APAF1: variants seen among roughly 807,000 people sequenced by gnomAD.
The protein encoded by APAF1 is apoptotic protease-activating factor 1.
A neutral mutation model predicts 152.4 loss-of-function variants in APAF1; 91 were observed. That is an observed-to-expected ratio of 0.60 (90% CI 0.50 to 0.71). APAF1 has a LOEUF of 0.71. Ranked by LOEUF, APAF1 falls within the 30% of genes least tolerant of loss-of-function variation. The pLI, the probability that APAF1 is intolerant of heterozygous loss-of-function variation, is 0.00. For missense variants in APAF1, 1,283 were observed against 1,472.0 expected (o/e 0.87, Z 2.10); for synonymous variants, 484 against 494.1 (o/e 0.98, Z 0.27).
intron 16 of APAF1, among the ~76,000 whole-genome samples, chr12:98,698,962 C>T (rs1402483899): frequency 6.6e-6 from 1 of 152,188 alleles, no homozygotes; most frequent in Admixed American, 6.5e-5. Context: ...TCTCTGGATG[C>T]TCTGCTAGGT....
chr12:98,718,399 A>T (rs2097737515), intron 22 of APAF1, among the ~76,000 whole-genome samples: 1 of 151,808 alleles, frequency 6.6e-6, no homozygotes, highest in African/African-American at 2.4e-5. Context: ...CATGCAGCTA[A>T]TTTTTTTGTA....
intron 23 of APAF1, 29 bp from the exon 24 acceptor site, chr12:98,723,610 C>T (rs1255469520): frequency 1.3e-6 from 2 of 1,523,386 alleles, no homozygotes; most frequent in Non-Finnish European, 1.8e-6. Context: ...AAAGTGTCAA[C>T]CTCCAAGTGT....
At chr12:98,660,751 T>C (rs1474274514) in intron 5 of APAF1, among the ~76,000 whole-genome samples, 1 of 152,200 alleles carries the variant, frequency 6.6e-6, no homozygotes, top group Admixed American at 6.5e-5. Context: ...AATGTTATAG[T>C]ATACTGAGTG....
intron 15 of APAF1, among the ~76,000 whole-genome samples, chr12:98,685,124 C>T (rs2097696627): frequency 6.6e-6 from 1 of 152,062 alleles, no homozygotes; most frequent in African/African-American, 2.4e-5. Context: ...ATAATTTTTG[C>T]CAAAACTAAC....
intron 16 of APAF1, among the ~76,000 whole-genome samples, chr12:98,695,957 T>G (rs149789132): frequency 6.6e-6 from 1 of 152,162 alleles, no homozygotes; most frequent in Non-Finnish European, 1.5e-5. Flanking sequence ...TTTCTAGGAG[T>G]CTGCCTATTA....
intron 14 of APAF1, among the ~76,000 whole-genome samples, chr12:98,682,052 G>GTTTTTTT (rs923577593): frequency 8.1e-5 from 10 of 123,864 alleles, no homozygotes; most frequent in East Asian, 2.3e-4. Context: ...TAATTTTTTT[G>GTTTTTTT]TTTTTTTTTT....
chr12:98,667,734 C>G, intron 10 of APAF1, 90 bp downstream of exon 10: 1 of 820,274 alleles, frequency 1.2e-6, no homozygotes. Flanking sequence ...TATTTTTTGT[C>G]TTGAATTTTG....
chr12:98,728,865 T>A (rs1180829444), intron 26 of APAF1, among the ~76,000 whole-genome samples: 1 of 152,226 alleles, frequency 6.6e-6, no homozygotes, highest in African/African-American at 2.4e-5. Flanking sequence ...GCAATTTGAA[T>A]GTGTTGTGGT....
At chr12:98,678,997 G>C (rs1488142407) in intron 13 of APAF1, among the ~76,000 whole-genome samples, 1 of 152,208 alleles carries the variant, frequency 6.6e-6, no homozygotes. Context: ...GGGTGGAAGG[G>C]GGCGGGTCAC....
At chr12:98,725,632 G>A (rs1252400517) in intron 25 of APAF1, 92 bp downstream of exon 25, 1 of 1,566,464 alleles carries the variant, frequency 6.4e-7, no homozygotes, top group East Asian at 2.2e-5. Flanking sequence ...GGCCAGGGAA[G>A]CATAGTCCTG....
intron 4 of APAF1, among the ~76,000 whole-genome samples, chr12:98,656,441 C>T (rs1040368000): frequency 6.6e-6 from 1 of 152,218 alleles, no homozygotes; most frequent in African/African-American, 2.4e-5. Flanking sequence ...TGTCTACCTT[C>T]TTCTAAGACA....
chr12:98,728,665 G>A (rs1019310700), intron 26 of APAF1, among the ~76,000 whole-genome samples: 1 of 152,176 alleles, frequency 6.6e-6, no homozygotes, highest in African/African-American at 2.4e-5. Context: ...AGAAGTTGCA[G>A]TCAGCTAAGG....
intron 18 of APAF1, 126 bp from the exon 19 acceptor site, chr12:98,706,359 A>T (rs1450085003): frequency 2.2e-6 from 2 of 927,100 alleles, no homozygotes; most frequent in Non-Finnish European, 1.8e-6. Flanking sequence ...TGTAGTTTTG[A>T]TAGTGTGTTT....
At chr12:98,722,636 C>T (rs1338192188) in intron 22 of APAF1, among the ~76,000 whole-genome samples, 1 of 152,114 alleles carries the variant, frequency 6.6e-6, no homozygotes, top group Admixed American at 6.5e-5. Flanking sequence ...CTGAGGAGCT[C>T]CTCCTGAAGC....
At position 98,732,671 on chromosome 12, in the gene APAF1, C is replaced by A; in HGVS notation, c.*105C>A. ...TTTTATAAAGCTCTTAATTGTTGTG[C>A]AGTATTGCATTCATTACAAAAGTGT... On this transcript the variant is annotated 3_prime_UTR_variant, in exon 27 of 27. Coordinates refer to ENST00000551964, the MANE Select transcript of APAF1 (RefSeq NM_181861.2). 1 of 766,508 alleles carries A rather than the reference C, an allele frequency of 1.3e-6. No homozygotes were observed. Among genetic ancestry groups the A allele is most frequent in the Non-Finnish European group, 2.1e-6 (1 of 469,278 alleles). 47.5% of individuals were successfully genotyped at this position (766,508 alleles called of 1,614,324 possible). A position where few individuals can be genotyped will look rare whatever the true frequency, so the allele number is the denominator to read the frequency against.
chr12:98,671,682 C>G lies in APAF1; in HGVS notation c.1756C>G (p.Gln586Glu), dbSNP rs939965305. The change falls in exon 12 of 27, where the codon CAG (glutamine) becomes GAG (glutamate). Residue 586 changes from glutamine to glutamate, a missense_variant. Physicochemically the swap from Gln to Glu is conservative, Grantham distance 29 (BLOSUM62 2). Coordinates refer to ENST00000551964, the MANE Select transcript of APAF1 (RefSeq NM_181861.2). Reference protein sequence around the residue: ...VYQQAKLQAKQEVDNGMLYLE... With the variant: ...VYQQAKLQAKEEVDNGMLYLE... ...TCAGCAAGCTAAGCTGCAGGCCAAG[C>G]AGGAGGTCGATAATGGAATGCTTTA... 10 of 1,613,798 alleles carry G rather than the reference C, an allele frequency of 6.2e-6. No individual in the cohort carries two copies. Among genetic ancestry groups the G allele is most frequent in the Non-Finnish European group, 8.5e-6 (10 of 1,179,998 alleles).
intron 10 of APAF1, among the ~76,000 whole-genome samples, chr12:98,668,244 C>A (rs1033532914): frequency 1.3e-5 from 2 of 151,762 alleles, no homozygotes; most frequent in Admixed American, 6.6e-5. Flanking sequence ...TTTGTTTTTA[C>A]CTGTAGTGAT....
rs557223549 is a variant in APAF1, at chr12:98,649,831, G to A, written c.526+147G>A. The A allele has an allele frequency of 2.2e-4, 168 of 771,056 alleles. 1 individual carries two copies. In the South Asian group the frequency reaches 2.7e-3, roughly 12 times the overall value. 47.8% of individuals were successfully genotyped at this position (771,056 alleles called of 1,614,324 possible). ...AGGAAGGATATGTTAACTCTCTGAA[G>A]GGAGGGGATGGATAGGACAAGCTTC... On this transcript the variant is annotated intron_variant, in intron 4 of 26. Coordinates refer to ENST00000551964, the MANE Select transcript of APAF1 (RefSeq NM_181861.2).
At chr12:98,726,035 G>A (rs1402343143) in intron 25 of APAF1, among the ~76,000 whole-genome samples, 1 of 152,124 alleles carries the variant, frequency 6.6e-6, no homozygotes, top group African/African-American at 2.4e-5. Context: ...ACAGTGCAGA[G>A]GTTCACATTT....
Sources: allele counts gnomAD v4.1 joint callset (sites outside exome capture counted in the v4.1 genomes callset), GRCh38; gene constraint gnomAD v4.1.1; transcripts MANE v1.5; gene names NCBI Gene and HGNC (gene_info 2026-07-23, HGNC 2026-07-21).